EYS: variants seen among roughly 807,000 people sequenced by gnomAD.
The protein encoded by EYS is EGF-like photoreceptor maintenance factor, also known as protein eyes shut homolog.
Under a neutral mutation model 282.1 loss-of-function variants are expected in EYS, and 250 were observed. The observed-to-expected ratio is 0.89, with a 90% CI of 0.80 to 0.98. The LOEUF (loss-of-function observed/expected upper bound fraction) is 0.98. Among genes scored for constraint, EYS ranks in the 50% least tolerant of loss-of-function variants. The probability of loss-of-function intolerance (pLI) is 0.00; values close to 1 mark genes in which losing one functional copy is unlikely to be tolerated. For missense variants in EYS, 4,016 were observed against 3,709.0 expected (o/e 1.08, Z -2.15); for synonymous variants, 1,355 against 1,282.9 (o/e 1.06, Z -1.20).
At chr6:64,245,895 T>C (rs1766996595) in intron 30 of EYS, among the ~76,000 whole-genome samples, 1 of 151,822 alleles carries the variant, frequency 6.6e-6, no homozygotes, top group Non-Finnish European at 1.5e-5. Context: ...GGCGCACGCC[T>C]GTAGTCCCAG....
At chr6:65,224,951 G>A (rs183854464) in intron 12 of EYS, among the ~76,000 whole-genome samples, 4 of 152,104 alleles carry the variant, frequency 2.6e-5, no homozygotes, top group Admixed American at 6.6e-5. Flanking sequence ...AACACAAGAC[G>A]AGATGGCCAC....
intron 9 of EYS, among the ~76,000 whole-genome samples, chr6:65,352,839 C>T (rs537732156): frequency 2.0e-5 from 3 of 152,026 alleles, no homozygotes; most frequent in African/African-American, 4.8e-5. Flanking sequence ...GCTTTACCCC[C>T]TCCATGGAAT....
chr6:64,947,634 T>A (rs538765632), intron 14 of EYS, among the ~76,000 whole-genome samples: 2 of 151,134 alleles, frequency 1.3e-5, no homozygotes, highest in South Asian at 4.2e-4. Flanking sequence ...TTTCATTGGT[T>A]GCGTTTGGCT....
At chr6:64,366,652 A>G (rs561332695) in intron 29 of EYS, among the ~76,000 whole-genome samples, 1 of 152,188 alleles carries the variant, frequency 6.6e-6, no homozygotes, top group Non-Finnish European at 1.5e-5. Context: ...GGAGGCTGTT[A>G]GCAAAGGTTG....
intron 12 of EYS, among the ~76,000 whole-genome samples, chr6:65,123,825 C>G (rs4559078): frequency 0.14 from 20,722 of 151,518 alleles, 2,106 homozygotes; most frequent in African/African-American, 0.28. Flanking sequence ...TATCATATTT[C>G]GCCAAGAATT....
chr6:64,876,120 T>A (rs750366950), intron 19 of EYS, among the ~76,000 whole-genome samples: 1 of 152,036 alleles, frequency 6.6e-6, no homozygotes, highest in Non-Finnish European at 1.5e-5. Context: ...TAAAGAACAA[T>A]TTTACTTTGT....
At chr6:65,461,177 A>G (rs921915856) in intron 5 of EYS, among the ~76,000 whole-genome samples, 1 of 152,152 alleles carries the variant, frequency 6.6e-6, no homozygotes, top group Non-Finnish European at 1.5e-5. Context: ...TAACTCTACC[A>G]TTGTTTACTT....
chr6:64,432,899 A>G (rs890121723), intron 28 of EYS, among the ~76,000 whole-genome samples: 2 of 152,060 alleles, frequency 1.3e-5, no homozygotes, highest in African/African-American at 4.8e-5. Context: ...CACCAGCTAT[A>G]GTTAATTTCT....
At chr6:65,259,758 C>T (rs1192316707) in intron 12 of EYS, among the ~76,000 whole-genome samples, 1 of 151,938 alleles carries the variant, frequency 6.6e-6, no homozygotes, top group African/African-American at 2.4e-5. Context: ...CTATCTGATA[C>T]TAGTGGGAAT....
chr6:63,822,845 G>A lies in EYS; in HGVS notation c.7229-16473C>T, dbSNP rs188806613. ...TGATTTTAATTGAAGAGGTTTTAGT[G>A]TTTCACCACTAGGAATACTATGTGC... On this transcript the variant is annotated intron_variant, in intron 36 of 42. Transcript: ENST00000503581. Among the ~76,000 whole-genome samples the A allele has an allele frequency of 7.3e-4, 111 of 152,220 alleles. 1 individual carries two copies. In the East Asian group the frequency reaches 0.019, roughly 26 times the overall value.
chr6:65,427,095 C>T (rs1034251329), intron 5 of EYS, among the ~76,000 whole-genome samples: 4 of 151,952 alleles, frequency 2.6e-5, no homozygotes, highest in Non-Finnish European at 4.4e-5. Context: ...TAAAGTTTAG[C>T]CCCCTGAAGC....
chr6:65,594,948 A>G (rs1287186409), intron 2 of EYS, among the ~76,000 whole-genome samples: 3 of 152,072 alleles, frequency 2.0e-5, no homozygotes, highest in Non-Finnish European at 2.9e-5. Context: ...TGTTTTGGTC[A>G]GGTTTGCCAA....
At chr6:65,673,399 A>C (rs1214528455) in intron 1 of EYS, among the ~76,000 whole-genome samples, 1 of 152,058 alleles carries the variant, frequency 6.6e-6, no homozygotes, top group African/African-American at 2.4e-5. Context: ...GTGATGGCCT[A>C]GATGTGGTTT....
intron 22 of EYS, among the ~76,000 whole-genome samples, chr6:64,726,610 T>C (rs1771766976): frequency 6.6e-6 from 1 of 152,126 alleles, no homozygotes; most frequent in Non-Finnish European, 1.5e-5. Context: ...TTTTATTCTA[T>C]GATAAATAGA....
intron 35 of EYS, among the ~76,000 whole-genome samples, chr6:63,884,171 A>T (rs1773204264): frequency 6.6e-6 from 1 of 152,190 alleles, no homozygotes; most frequent in African/African-American, 2.4e-5. Context: ...AATGAAATTC[A>T]ATGTGTTTTC....
chr6:64,165,494 G>A (rs1764262863), intron 31 of EYS, among the ~76,000 whole-genome samples: 1 of 152,012 alleles, frequency 6.6e-6, no homozygotes, highest in Admixed American at 6.6e-5. Context: ...ATTTCCAATT[G>A]TGCAGGTGGT....
chr6:64,392,363 C>G (rs1203991823), intron 28 of EYS, among the ~76,000 whole-genome samples: 4 of 150,070 alleles, frequency 2.7e-5, no homozygotes, highest in African/African-American at 1.0e-4. Flanking sequence ...CCAAAATTGA[C>G]CACATACTTG....
intron 29 of EYS, among the ~76,000 whole-genome samples, chr6:64,360,460 C>T (rs1771966849): frequency 6.6e-6 from 1 of 151,718 alleles, no homozygotes; most frequent in African/African-American, 2.4e-5. Context: ...TGACCTACCT[C>T]TTGGGCTAGA....
Position 63,886,920 on chromosome 6 carries a change from C to A in EYS, c.7056-22562G>T, listed in dbSNP as rs181935151. Among the ~76,000 whole-genome samples, 38 of 152,268 alleles carry A rather than the reference C, an allele frequency of 2.5e-4. No individual in the cohort carries two copies. In the East Asian group the frequency reaches 6.8e-3, roughly 27 times the overall value. ...AATCTGAGTATAGAAAATGAGGCAA[C>A]TTTAATATTTGACACAAAAGGTTGT... is the stretch of plus-strand genomic sequence containing the variant. On this transcript the variant is annotated intron_variant, in intron 35 of 42. Transcript: ENST00000503581.
Sources: allele counts gnomAD v4.1 joint callset (sites outside exome capture counted in the v4.1 genomes callset), GRCh38; gene constraint gnomAD v4.1.1; transcripts MANE v1.5; gene names NCBI Gene and HGNC (gene_info 2026-07-23, HGNC 2026-07-21).